The following RBFOX1 variants were observed in gnomAD, a reference collection of about 807,000 sequenced individuals.
RBFOX1 encodes the protein RNA binding protein fox-1 homolog 1.
In RBFOX1, 8 loss-of-function variants were observed where a neutral mutation model predicts 57.7. The observed-to-expected ratio is 0.14, with a 90% CI of 0.08 to 0.25. The LOEUF (loss-of-function observed/expected upper bound fraction) is 0.25, where lower values mean the gene tolerates loss of function less well. Among genes scored for constraint, RBFOX1 ranks in the 10% least tolerant of loss-of-function variants. The probability of loss-of-function intolerance (pLI) is 1.00; values close to 1 mark genes in which losing one functional copy is unlikely to be tolerated. For missense variants in RBFOX1, 611 were observed against 548.5 expected, an observed-to-expected ratio of 1.11 and a Z score of -1.14; for synonymous variants, 326 against 222.4, an observed-to-expected ratio of 1.47 and a Z score of -4.15.
intron 4 of RBFOX1, among the ~76,000 whole-genome samples, chr16:7,512,714 G>C (rs1415079118): frequency 6.6e-6 from 1 of 152,214 alleles, no homozygotes; most frequent in Non-Finnish European, 1.5e-5. Flanking sequence ...CACCAGTGGT[G>C]CCCCCAGCTG....
intron 2 of RBFOX1, chr16:5,598,892 T>G: frequency 6.7e-7 from 1 of 1,497,116 alleles, no homozygotes. Flanking sequence ...ATTTGTTTGT[T>G]TTTTGCCAGG....
intron 3 of RBFOX1, among the ~76,000 whole-genome samples, chr16:6,997,189 C>G (rs550237684): frequency 6.6e-5 from 10 of 152,126 alleles, no homozygotes; most frequent in Non-Finnish European, 1.3e-4. Context: ...TTAGCATTTT[C>G]CCCCAATAAC....
chr16:6,889,462 A>G (rs1436307666), intron 3 of RBFOX1, among the ~76,000 whole-genome samples: 1 of 152,228 alleles, frequency 6.6e-6, no homozygotes. Context: ...ACTTTGAGAA[A>G]TGGGCTTTTA....
At chr16:6,162,303 A>C (rs1346611813) in intron 1 of RBFOX1, among the ~76,000 whole-genome samples, 1 of 152,072 alleles carries the variant, frequency 6.6e-6, no homozygotes, top group Non-Finnish European at 1.5e-5. Flanking sequence ...TTTAGTAGAG[A>C]CGGGGTTTCA....
chr16:7,043,240 C>T (rs2046781164), intron 3 of RBFOX1, among the ~76,000 whole-genome samples: 1 of 152,274 alleles, frequency 6.6e-6, no homozygotes, highest in Middle Eastern at 3.4e-3. Flanking sequence ...TGGTGCATCT[C>T]CTTTGAGCAC....
intron 3 of RBFOX1, among the ~76,000 whole-genome samples, chr16:5,754,499 C>A (rs1490728986): frequency 7.0e-6 from 1 of 143,178 alleles, no homozygotes; most frequent in African/African-American, 2.6e-5. Context: ...AATAAGGGGA[C>A]CCGGGGAACC....
intron 3 of RBFOX1, among the ~76,000 whole-genome samples, chr16:5,645,671 T>C (rs1320912954): frequency 6.6e-6 from 1 of 152,228 alleles, no homozygotes; most frequent in Non-Finnish European, 1.5e-5. Flanking sequence ...TTTACATACG[T>C]ATTTTTTGTT....
At chr16:7,149,805 A>G (rs547018061) in intron 4 of RBFOX1, among the ~76,000 whole-genome samples, 3 of 152,172 alleles carry the variant, frequency 2.0e-5, no homozygotes, top group Admixed American at 1.3e-4. Context: ...ATGTCTAGCC[A>G]CATTGCTTCC....
intron 3 of RBFOX1, among the ~76,000 whole-genome samples, chr16:6,711,395 C>T (rs2063688531): frequency 6.6e-6 from 1 of 152,176 alleles, no homozygotes; most frequent in Admixed American, 6.5e-5. Context: ...CCTATCTCTC[C>T]TGATATGGTT....
chr16:6,133,239 C>G (rs567418015), intron 1 of RBFOX1, among the ~76,000 whole-genome samples: 1 of 152,212 alleles, frequency 6.6e-6, no homozygotes, highest in East Asian at 1.9e-4. Context: ...ACAAAAGTCC[C>G]CTGATTGCTC....
Position 6,911,955 on chromosome 16 carries a change from C to A in RBFOX1, c.-15-140102C>A, listed in dbSNP as rs528331789. Among the ~76,000 whole-genome samples the A allele has an allele frequency of 2.6e-5, 4 of 152,246 alleles. No homozygotes were observed. In the East Asian group the frequency reaches 7.7e-4, roughly 29 times the overall value. ...TTGGGCAATACTTGGTTCACCAATC[C>A]TTTGAGGCTTGGGAGTAGAAAGAAC... On this transcript the variant is annotated intron_variant, in intron 3 of 15. Coordinates refer to ENST00000550418, the MANE Select transcript of RBFOX1 (RefSeq NM_018723.4).
At chr16:7,244,714 T>C (rs1328890158) in intron 4 of RBFOX1, among the ~76,000 whole-genome samples, 1 of 152,152 alleles carries the variant, frequency 6.6e-6, no homozygotes, top group Non-Finnish European at 1.5e-5. Flanking sequence ...TTTCTTCCAA[T>C]ATTGTGTAGT....
At position 6,487,686 on chromosome 16, in the gene RBFOX1, AAAAAAAAAAAAAAAATATATATATATAT is replaced by A. The variant is rs1268310059; in HGVS notation, c.-63-166915_-63-166888del. On this transcript the variant is annotated intron_variant, in intron 2 of 15. Coordinates refer to ENST00000550418, the MANE Select transcript of RBFOX1 (RefSeq NM_018723.4). ...CAGTGATATATGTAAAAAAAAAAAA[AAAAAAAAAAAAAAAATATATATATATAT>A]ATATATATATATATATATATATATA... Among the ~76,000 whole-genome samples the A allele has an allele frequency of 9.5e-3, 208 of 21,794 alleles. 8 individuals carry two copies. Among genetic ancestry groups the A allele is most frequent in the Non-Finnish European group, 0.017 (161 of 9,290 alleles). 14.3% of individuals were successfully genotyped at this position (21,794 alleles called of 152,430 possible). A position where few individuals can be genotyped will look rare whatever the true frequency, so the allele number is the denominator to read the frequency against.
intron 4 of RBFOX1, among the ~76,000 whole-genome samples, chr16:7,357,191 C>A (rs1488195815): frequency 6.7e-6 from 1 of 150,178 alleles, no homozygotes; most frequent in Non-Finnish European, 1.5e-5. Context: ...CAAGCATACA[C>A]GCAGTTTTGA....
intron 3 of RBFOX1, among the ~76,000 whole-genome samples, chr16:6,986,559 T>C (rs2090333231): frequency 2.6e-5 from 4 of 152,190 alleles, no homozygotes; most frequent in Admixed American, 1.3e-4. Context: ...CCCAAAGTGC[T>C]GGGATTGTAG....
intron 4 of RBFOX1, among the ~76,000 whole-genome samples, chr16:5,881,879 G>A (rs1226656892): frequency 1.3e-5 from 2 of 152,110 alleles, no homozygotes; most frequent in Admixed American, 1.3e-4. Flanking sequence ...ACTCTTCTAA[G>A]CACATTTAAG....
At chr16:6,493,409 C>A (rs1350806619) in intron 2 of RBFOX1, among the ~76,000 whole-genome samples, 2 of 152,102 alleles carry the variant, frequency 1.3e-5, no homozygotes, top group African/African-American at 2.4e-5. Context: ...ATCGCCGGTA[C>A]TGCAAAATCA....
intron 4 of RBFOX1, among the ~76,000 whole-genome samples, chr16:7,113,145 G>T (rs1423139441): frequency 6.6e-6 from 1 of 152,108 alleles, no homozygotes; most frequent in Admixed American, 6.5e-5. Context: ...AGATATATAC[G>T]TTTTTAATTT....
At chr16:5,447,070 G>C (rs573565022) in intron 1 of RBFOX1, among the ~76,000 whole-genome samples, 10 of 152,056 alleles carry the variant, frequency 6.6e-5, no homozygotes, top group Non-Finnish European at 4.4e-5. Context: ...AAACCATCAC[G>C]ATCAACAAAA....
Sources: gnomAD v4.1 joint callset for allele counts (sites outside exome capture counted in the v4.1 genomes callset) on GRCh38, gnomAD v4.1.1 for gene constraint, MANE v1.5 for transcripts, NCBI Gene and HGNC (gene_info 2026-07-23, HGNC 2026-07-21) for gene names.